SHC3: variants seen among roughly 807,000 people sequenced by gnomAD.
SHC3 encodes SHC adaptor protein 3.
In SHC3, 15 loss-of-function variants were observed where a neutral mutation model predicts 60.4. The observed-to-expected ratio is 0.25, with a 90% CI of 0.17 to 0.38. The LOEUF is 0.38. Ranked by LOEUF, SHC3 falls within the 10% of genes least tolerant of loss-of-function variation. SHC3 has a pLI of 1.00. For synonymous variants in SHC3, 294 were observed against 325.9 expected, an observed-to-expected ratio of 0.90 and a Z score of 1.05; for missense variants, 677 against 786.1, an observed-to-expected ratio of 0.86 and a Z score of 1.66.
At chr9:89,132,399 G>GA (rs1159070147) in intron 1 of SHC3, among the ~76,000 whole-genome samples, 1 of 152,070 alleles carries the variant, frequency 6.6e-6, no homozygotes, top group Non-Finnish European at 1.5e-5. Context: ...CACAGAATTG[G>GA]AAAAAACTAC....
chr9:89,049,970 C>A (rs1824836244), intron 7 of SHC3, among the ~76,000 whole-genome samples: 2 of 152,190 alleles, frequency 1.3e-5, no homozygotes, highest in African/African-American at 4.8e-5. Flanking sequence ...GTTTATTGCT[C>A]AATTAAACTC....
rs111375882 is a variant in SHC3, at chr9:89,019,868, A to G, written c.1657-6293T>C. On this transcript the variant is annotated intron_variant, in intron 11 of 11. Transcript: ENST00000375835. The stretch of plus-strand genomic sequence containing the variant: ...AATATCAAATACAGTCTATTTAAAA[A>G]CAAAAATAATAAATGAATATTCAGC... Among the ~76,000 whole-genome samples, 699 of 152,322 alleles carry G rather than the reference A, an allele frequency of 4.6e-3. 5 individuals carry two copies. The highest frequency in any genetic ancestry group is 0.016 in the African/African-American group (645 of 41,576).
chr9:89,174,601 T>C (rs994697995), intron 1 of SHC3, among the ~76,000 whole-genome samples: 1 of 152,218 alleles, frequency 6.6e-6, no homozygotes, highest in African/African-American at 2.4e-5. Context: ...TTCTTGCCCT[T>C]GGCACTTGGG....
chr9:89,162,534 A>G (rs551459948), intron 1 of SHC3, among the ~76,000 whole-genome samples: 313 of 152,362 alleles, frequency 2.1e-3, no homozygotes, highest in African/African-American at 7.1e-3. Context: ...AAAACTGGCT[A>G]GCCATATGTA....
intron 2 of SHC3, among the ~76,000 whole-genome samples, chr9:89,086,377 G>A (rs542413831): frequency 2.0e-5 from 3 of 152,338 alleles, no homozygotes; most frequent in East Asian, 3.9e-4. Flanking sequence ...TAATTTGCGA[G>A]AACGGCTCAC....
At chr9:89,142,842 G>T (rs1244002556) in intron 1 of SHC3, among the ~76,000 whole-genome samples, 1 of 151,844 alleles carries the variant, frequency 6.6e-6, no homozygotes, top group African/African-American at 2.4e-5. Flanking sequence ...TTTTCCTTCG[G>T]GTCGAGGGTC....
Position 89,045,781 on chromosome 9 carries a change from A to C in SHC3, c.1166T>G (p.Phe389Cys), listed in dbSNP as rs1824762203. Residue 389 changes from phenylalanine to cysteine, a missense_variant, in exon 9 of 12, where the codon TTT becomes TGT. Physicochemically the swap from Phe to Cys is radical, Grantham distance 205. Coordinates refer to ENST00000375835, the MANE Select transcript of SHC3 (RefSeq NM_016848.6). ...AGGTGTTTGCTGCCAGTCTTCGCCA[A>C]AAGTGTCTCCTAAGTGTCTTCCCTG... ...YYQGRHLGDTFGEDWQQTPLR... is the reference protein window; with the variant it reads ...YYQGRHLGDTCGEDWQQTPLR... The C allele has an allele frequency of 6.2e-7, 1 of 1,614,156 alleles. No individual in the cohort carries two copies. The highest frequency in any genetic ancestry group is 1.7e-5 in the Admixed American group (1 of 60,020).
At chr9:89,143,784 C>T (rs536971038) in intron 1 of SHC3, among the ~76,000 whole-genome samples, 5 of 152,126 alleles carry the variant, frequency 3.3e-5, no homozygotes, top group Non-Finnish European at 7.4e-5. Flanking sequence ...TCCAGGGACC[C>T]AAGGGGCAGA....
chr9:89,137,169 T>A (rs2118182623), intron 1 of SHC3, among the ~76,000 whole-genome samples: 1 of 152,238 alleles, frequency 6.6e-6, no homozygotes, highest in Non-Finnish European at 1.5e-5. Flanking sequence ...AAATCGGGAT[T>A]ACAATTCAAC....
chr9:89,144,366 T>C (rs920834266), intron 1 of SHC3, among the ~76,000 whole-genome samples: 32 of 152,232 alleles, frequency 2.1e-4, no homozygotes. Context: ...CAAACTGGAG[T>C]ATGCACTGGC....
intron 2 of SHC3, among the ~76,000 whole-genome samples, chr9:89,102,713 GC>G (rs1328363292): frequency 6.6e-6 from 1 of 152,106 alleles, no homozygotes; most frequent in Non-Finnish European, 1.5e-5. Flanking sequence ...ACAATGTACA[GC>G]AAAGTCATTT....
Position 89,027,591 on chromosome 9 carries a change from CAGGCAT to C in SHC3, c.1656+10396_1656+10401del, listed in dbSNP as rs1464891941. ...TAGGCCTCCCAAAGTGCTGGGATTA[CAGGCAT>C]AAGCCATAAGCCACTGTGCCCGGCC... On this transcript the variant is annotated intron_variant, in intron 11 of 11. Coordinates refer to ENST00000375835, the MANE Select transcript of SHC3 (RefSeq NM_016848.6). Among the ~76,000 whole-genome samples, 5 of 43,406 alleles carry C rather than the reference CAGGCAT, an allele frequency of 1.2e-4. No homozygotes were observed. The East Asian group carries it at 0.21, about 1,809-fold the overall frequency. 28.5% of individuals were successfully genotyped at this position (43,406 alleles called of 152,430 possible).
At chr9:89,014,663 A>G (rs1826066173) in intron 11 of SHC3, among the ~76,000 whole-genome samples, 1 of 152,026 alleles carries the variant, frequency 6.6e-6, no homozygotes, top group African/African-American at 2.4e-5. Flanking sequence ...GGCAATGTTC[A>G]TTCTCCTGTT....
intron 6 of SHC3, among the ~76,000 whole-genome samples, chr9:89,061,291 C>T (rs938319303): frequency 6.6e-6 from 1 of 152,206 alleles, no homozygotes; most frequent in African/African-American, 2.4e-5. Context: ...AGAAGCAGTG[C>T]TGTGTTACTT....
At chr9:89,147,924 G>A (rs899612679) in intron 1 of SHC3, among the ~76,000 whole-genome samples, 2 of 152,136 alleles carry the variant, frequency 1.3e-5, no homozygotes, top group African/African-American at 2.4e-5. Context: ...ACTCACATGG[G>A]CAGGCTGTGC....
At chr9:89,112,441 C>G in intron 2 of SHC3, 115 bp downstream of exon 2, 1 of 1,078,988 alleles carries the variant, frequency 9.3e-7, no homozygotes, top group Admixed American at 2.1e-5. Flanking sequence ...TCACTGTCAC[C>G]AGCCACTAAC....
Position 89,006,335 on chromosome 9 carries a change from C to A in SHC3, c.*7112G>T, listed in dbSNP as rs1476925630. On this transcript the variant is annotated 3_prime_UTR_variant, in exon 12 of 12. Coordinates refer to ENST00000375835, the MANE Select transcript of SHC3 (RefSeq NM_016848.6). Reference sequence around the variant, plus strand: ...AGGGAATTTAAGCTAATTCTCTTCACCTGCTGTATTCTCAAATCTCCAAAA... The same window carrying A: ...AGGGAATTTAAGCTAATTCTCTTCAACTGCTGTATTCTCAAATCTCCAAAA... 6.6e-6 allele frequency: 1 copy of A among 152,228 alleles called. No homozygotes were observed. The highest frequency in any genetic ancestry group is 2.4e-5 in the African/African-American group (1 of 41,460). 9.4% of individuals were successfully genotyped at this position (152,228 alleles called of 1,614,324 possible). A position where few individuals can be genotyped will look rare whatever the true frequency, so the allele number is the denominator to read the frequency against.
intron 5 of SHC3, among the ~76,000 whole-genome samples, chr9:89,070,053 T>G (rs760671575): frequency 6.6e-6 from 1 of 152,198 alleles, no homozygotes; most frequent in Non-Finnish European, 1.5e-5. Context: ...ATGTAACATC[T>G]GAAGATTGCC....
intron 1 of SHC3, among the ~76,000 whole-genome samples, chr9:89,156,569 CA>C (rs918476127): frequency 9.9e-5 from 15 of 151,422 alleles, no homozygotes; most frequent in Admixed American, 2.0e-4. Context: ...ACCACAACAA[CA>C]AAAAAAAACT....
Sources: allele counts gnomAD v4.1 joint callset (sites outside exome capture counted in the v4.1 genomes callset), GRCh38; gene constraint gnomAD v4.1.1; transcripts MANE v1.5; gene names NCBI Gene and HGNC (gene_info 2026-07-23, HGNC 2026-07-21).